PCMTD1: variants seen among roughly 807,000 people sequenced by gnomAD.
PCMTD1 encodes protein-L-isoaspartate (D-aspartate) O-methyltransferase domain containing 1, also known as protein-L-isoaspartate O-methyltransferase domain-containing protein 1.
In PCMTD1, 12 loss-of-function variants were observed where a neutral mutation model predicts 37.6. The ratio of observed to expected loss-of-function variants is 0.32; its 90% CI spans 0.20 to 0.52. PCMTD1 has a LOEUF of 0.52. PCMTD1 is among the 20% of genes least tolerant of loss of function. The probability of loss-of-function intolerance (pLI) is 0.97; values close to 1 mark genes in which losing one functional copy is unlikely to be tolerated. For missense variants in PCMTD1, 235 were observed against 421.3 expected (o/e 0.56, Z 3.87); for synonymous variants, 117 against 135.8 (o/e 0.86, Z 0.96).
chr8:51,853,736 C>A (rs747165553), intron 2 of PCMTD1, among the ~76,000 whole-genome samples: 1 of 152,046 alleles, frequency 6.6e-6, no homozygotes, highest in Non-Finnish European at 1.5e-5. Flanking sequence ...AGCCACCCCA[C>A]GAACTGTTGC....
chr8:51,879,246 A>T (rs2038758106), intron 1 of PCMTD1, among the ~76,000 whole-genome samples: 1 of 152,150 alleles, frequency 6.6e-6, no homozygotes, highest in African/African-American at 2.4e-5. Context: ...AAAAAAGAAA[A>T]ATCACCTTAG....
intron 1 of PCMTD1, among the ~76,000 whole-genome samples, chr8:51,894,108 G>A (rs576414312): frequency 6.6e-6 from 1 of 152,098 alleles, no homozygotes; most frequent in East Asian, 1.9e-4. Context: ...GGGGCTCTAG[G>A]GAAATACGGT....
chr8:51,834,952 A>G (rs933317846), intron 3 of PCMTD1, among the ~76,000 whole-genome samples: 3 of 152,094 alleles, frequency 2.0e-5, no homozygotes, highest in Admixed American at 6.6e-5. Flanking sequence ...TTCTTTTACT[A>G]TAACTGTCAC....
intron 2 of PCMTD1, among the ~76,000 whole-genome samples, chr8:51,853,839 G>A (rs993190886): frequency 3.2e-4 from 49 of 152,012 alleles, no homozygotes; most frequent in African/African-American, 1.2e-3. Flanking sequence ...CAGAGACAAG[G>A]CAGAGAGAAC....
At chr8:51,861,433 CTT>C (rs1298005416) in intron 1 of PCMTD1, among the ~76,000 whole-genome samples, 187 bp from the exon 2 acceptor site, 4 of 152,102 alleles carry the variant, frequency 2.6e-5, no homozygotes, top group African/African-American at 7.2e-5. Flanking sequence ...CAAAAGGTAA[CTT>C]ATATGATCTC....
At chr8:51,866,730 T>C (rs769551006) in intron 1 of PCMTD1, among the ~76,000 whole-genome samples, 1 of 152,060 alleles carries the variant, frequency 6.6e-6, no homozygotes, top group African/African-American at 2.4e-5. Context: ...CAAAGATTTC[T>C]TGGATATGAT....
chr8:51,898,956 C>A lies in PCMTD1; in HGVS notation c.-122G>T. The A allele has an allele frequency of 6.8e-7, 1 of 1,468,504 alleles. No individual in the cohort carries two copies. Among genetic ancestry groups the A allele is most frequent in the South Asian group, 1.3e-5 (1 of 75,984 alleles). 91.0% of individuals were successfully genotyped at this position (1,468,504 alleles called of 1,614,324 possible). A position where few individuals can be genotyped will look rare whatever the true frequency, so the allele number is the denominator to read the frequency against. ...TGTGGCGCGGGCAGCGGCGCGCAGGCCAGGCGCTAGGACTCGGCGGGGTCC... is the reference window on the plus strand; with the variant it reads ...TGTGGCGCGGGCAGCGGCGCGCAGGACAGGCGCTAGGACTCGGCGGGGTCC... On this transcript the variant is annotated 5_prime_UTR_variant, in exon 1 of 6. Coordinates refer to ENST00000522514, the MANE Select transcript of PCMTD1 (RefSeq NM_052937.4).
chr8:51,832,139 T>C (rs1209448162), intron 4 of PCMTD1, among the ~76,000 whole-genome samples: 1 of 152,226 alleles, frequency 6.6e-6, no homozygotes, highest in Non-Finnish European at 1.5e-5. Flanking sequence ...TTAATTAGTA[T>C]ATTCAACTTC....
At chr8:51,888,650 A>C (rs1299403606) in intron 1 of PCMTD1, among the ~76,000 whole-genome samples, 1 of 152,258 alleles carries the variant, frequency 6.6e-6, no homozygotes, top group Non-Finnish European at 1.5e-5. Flanking sequence ...TTTAAGAATC[A>C]AATGAAATAA....
At chr8:51,897,974 C>T (rs2039032111) in intron 1 of PCMTD1, among the ~76,000 whole-genome samples, 1 of 151,950 alleles carries the variant, frequency 6.6e-6, no homozygotes, top group Non-Finnish European at 1.5e-5. Context: ...ACCCACCACA[C>T]TTGGAGACTG....
intron 2 of PCMTD1, chr8:51,849,064 A>G (rs1393684157): frequency 2.6e-5 from 4 of 152,204 alleles, no homozygotes; most frequent in Non-Finnish European, 5.9e-5. Flanking sequence ...TGGTATCTGT[A>G]TTAAATAGAA....
intron 1 of PCMTD1, among the ~76,000 whole-genome samples, chr8:51,887,479 A>G (rs2038880085): frequency 6.6e-6 from 1 of 152,182 alleles, no homozygotes; most frequent in South Asian, 2.1e-4. Context: ...ATTTTCTCTT[A>G]CAGGTAAATA....
chr8:51,880,911 C>CTA (rs1392310770), intron 1 of PCMTD1, among the ~76,000 whole-genome samples: 1 of 152,180 alleles, frequency 6.6e-6, no homozygotes, highest in Admixed American at 6.5e-5. Flanking sequence ...TTTCTGGACA[C>CTA]TAAAATTGGA....
intron 1 of PCMTD1, among the ~76,000 whole-genome samples, chr8:51,884,762 T>C (rs983961243): frequency 3.0e-4 from 46 of 152,168 alleles, no homozygotes; most frequent in Non-Finnish European, 1.2e-4. Flanking sequence ...AAAATGCCTC[T>C]CTATGAACAT....
chr8:51,817,695 A>T lies in PCMTD1; in HGVS notation c.*2656T>A. 2 of 276,566 alleles carry T rather than the reference A, an allele frequency of 7.2e-6. No individual in the cohort carries two copies. Among genetic ancestry groups the T allele is most frequent in the Admixed American group, 4.9e-5 (1 of 20,478 alleles). The allele number at this position is 276,566 out of a possible 1,614,324, so 17.1% of individuals were successfully genotyped here. ...AGCTATAAATCAACACACTTTTTGT[A>T]TTTTATTTTACTACTATGTATGCTA... On this transcript the variant is annotated 3_prime_UTR_variant, in exon 6 of 6. Transcript: ENST00000522514.
intron 5 of PCMTD1, chr8:51,827,435 G>T: frequency 2.1e-6 from 1 of 483,644 alleles, no homozygotes; most frequent in Non-Finnish European, 3.8e-6. Context: ...TCTGAGTAGT[G>T]TAGTATAATT....
At chr8:51,871,089 C>T (rs1406015232) in intron 1 of PCMTD1, among the ~76,000 whole-genome samples, 1 of 152,042 alleles carries the variant, frequency 6.6e-6, no homozygotes, top group Non-Finnish European at 1.5e-5. Flanking sequence ...AGAAAGGGCA[C>T]ATTCTAAACT....
At chr8:51,890,653 G>A (rs1453067592) in intron 1 of PCMTD1, among the ~76,000 whole-genome samples, 4 of 152,212 alleles carry the variant, frequency 2.6e-5, no homozygotes, top group Admixed American at 1.3e-4. Context: ...TACTTACGCA[G>A]TAGCAGTGAC....
intron 1 of PCMTD1, among the ~76,000 whole-genome samples, chr8:51,893,445 C>G (rs2038961923): frequency 1.3e-5 from 2 of 152,114 alleles, no homozygotes; most frequent in South Asian, 2.1e-4. Context: ...ACAGCTGGAG[C>G]TTCCTGATAT....
Sources: allele counts gnomAD v4.1 joint callset (sites outside exome capture counted in the v4.1 genomes callset), GRCh38; gene constraint gnomAD v4.1.1; transcripts MANE v1.5; gene names NCBI Gene and HGNC (gene_info 2026-07-23, HGNC 2026-07-21).